ERICH6B: variants seen among roughly 807,000 people sequenced by gnomAD.
The protein encoded by ERICH6B is glutamate-rich protein 6B.
ERICH6B carries 69 observed loss-of-function variants against 80.0 expected under a neutral mutation model. The observed-to-expected ratio is 0.86, with a 90% CI of 0.71 to 1.05. ERICH6B has a LOEUF of 1.05. ERICH6B is among the 50% of genes least tolerant of loss of function. The pLI is 0.00. For missense variants in ERICH6B, 754 were observed against 796.1 expected, an observed-to-expected ratio of 0.95 and a Z score of 0.64; for synonymous variants, 283 against 291.9, an observed-to-expected ratio of 0.97 and a Z score of 0.31.
intron 2 of ERICH6B, among the ~76,000 whole-genome samples, chr13:45,606,505 G>GTGTA (rs1374963790): frequency 2.4e-4 from 7 of 28,658 alleles, no homozygotes; most frequent in Middle Eastern, 0.018. Context: ...AAGTGTATGT[G>GTGTA]TATATATATA....
At position 45,580,611 on chromosome 13, in the gene ERICH6B, G is replaced by A; in HGVS notation, c.911C>T (p.Ala304Val). The A allele has an allele frequency of 6.4e-7, 1 of 1,551,652 alleles. No individual in the cohort carries two copies. The highest frequency in any genetic ancestry group is 8.7e-7 in the Non-Finnish European group (1 of 1,146,966). ...ATCATCATAAACTTTACCTTCCGGAGCCAGCTTCGTGGTGGTTTCTTGCTC... is the reference window on the plus strand; with the variant it reads ...ATCATCATAAACTTTACCTTCCGGAACCAGCTTCGTGGTGGTTTCTTGCTC... ...ETEQETTTKL[A>V]PEEHVNTKVQ... Residue 304 changes from alanine to valine, a missense_variant, in exon 6 of 15, where the codon GCT (alanine) becomes GTT (valine). Coordinates refer to ENST00000298738, the MANE Select transcript of ERICH6B (RefSeq NM_182542.3).
At position 45,587,166 on chromosome 13, in the gene ERICH6B, A is replaced by G; in HGVS notation, c.753T>C (p.Pro251=). Residue 251 remains proline (P), a synonymous_variant, in exon 5 of 15, where the codon CCT becomes CCC. Coordinates refer to ENST00000298738, the MANE Select transcript of ERICH6B (RefSeq NM_182542.3). The stretch of plus-strand genomic sequence containing the variant: ...CTGTGGCAGATTCAGAGACAGGAGA[A>G]GGGGTAGCGAAAGTCAACGGGACAG... ...FLTVPLTFAT[P]SPVSESATES... 1.3e-6 allele frequency: 2 copies of G among 1,551,672 alleles called. No homozygotes were observed. The highest frequency in any genetic ancestry group is 1.7e-6 in the Non-Finnish European group (2 of 1,146,986).
chr13:45,546,724 G>T (rs113570957), intron 13 of ERICH6B, among the ~76,000 whole-genome samples: 4 of 152,196 alleles, frequency 2.6e-5, no homozygotes, highest in African/African-American at 9.6e-5. Flanking sequence ...GCCTTGTTTG[G>T]TTTCCAGCTC....
intron 8 of ERICH6B, among the ~76,000 whole-genome samples, chr13:45,571,646 C>T (rs1019998056): frequency 2.6e-5 from 4 of 152,204 alleles, no homozygotes; most frequent in Non-Finnish European, 5.9e-5. Flanking sequence ...TGTTGAAGTT[C>T]AATACCTTAG....
At chr13:45,580,555 A>G in intron 6 of ERICH6B, 48 bp downstream of exon 6, 1 of 1,536,858 alleles carries the variant, frequency 6.5e-7, no homozygotes, top group Non-Finnish European at 8.8e-7. Context: ...CTTCTCTGGG[A>G]TGGATGACTA....
At chr13:45,564,861 C>T (rs539296738) in intron 9 of ERICH6B, among the ~76,000 whole-genome samples, 58 of 152,298 alleles carry the variant, frequency 3.8e-4, no homozygotes, top group Non-Finnish European at 7.1e-4. Flanking sequence ...GCCAGAGGCA[C>T]CCAAGGCCCT....
Position 45,544,966 on chromosome 13 carries a change from G to C in ERICH6B, c.1666C>G (p.Leu556Val). The change falls in exon 14 of 15, where the codon CTG (leucine) becomes GTG (valine). Residue 556 changes from leucine to valine, a missense_variant. Leu to Val is a conservative substitution (Grantham distance 32, BLOSUM62 1). Transcript: ENST00000298738. ...SDIWLNLSSN[L>V]GYYFPKDKRQ... is the part of the protein sequence containing the mutation. ...TTGTCTTTGGGGAAGTAGTAGCCCA[G>C]GTTGGAGCTCAGGTTCAACCTGGAC... The C allele has an allele frequency of 6.4e-7, 1 of 1,550,934 alleles. No individual in the cohort carries two copies. The highest frequency in any genetic ancestry group is 8.7e-7 in the Non-Finnish European group (1 of 1,147,002).
chr13:45,552,338 G>A (rs73482421), intron 11 of ERICH6B, among the ~76,000 whole-genome samples: 3,605 of 152,086 alleles, frequency 0.024, 153 homozygotes, highest in African/African-American at 0.081. Context: ...GTCAAGACCC[G>A]TTGTTCCCCT....
intron 2 of ERICH6B, among the ~76,000 whole-genome samples, chr13:45,606,545 ATATT>A (rs1949866723): frequency 7.8e-5 from 1 of 12,774 alleles, no homozygotes; most frequent in African/African-American, 1.7e-4. Flanking sequence ...ATATATATAT[ATATT>A]TTTTTTTTTT....
intron 8 of ERICH6B, among the ~76,000 whole-genome samples, chr13:45,568,709 C>A (rs1365489836): frequency 6.6e-6 from 1 of 152,148 alleles, no homozygotes; most frequent in African/African-American, 2.4e-5. Flanking sequence ...CAAACTTGCA[C>A]ATCCTGTACC....
chr13:45,572,646 C>G (rs1293085392), intron 8 of ERICH6B, among the ~76,000 whole-genome samples: 2 of 151,888 alleles, frequency 1.3e-5, no homozygotes, highest in Non-Finnish European at 2.9e-5. Flanking sequence ...AAAAAATGAC[C>G]CTGTCATGGA....
At chr13:45,563,586 C>G (rs1049191908) in intron 10 of ERICH6B, 141 bp downstream of exon 10, 1 of 777,928 alleles carries the variant, frequency 1.3e-6, no homozygotes, top group African/African-American at 1.7e-5. Flanking sequence ...CCCTGGCAGC[C>G]AGGACCACAT....
chr13:45,588,682 T>G (rs1317797704), intron 4 of ERICH6B, among the ~76,000 whole-genome samples: 1 of 152,218 alleles, frequency 6.6e-6, no homozygotes, highest in African/African-American at 2.4e-5. Flanking sequence ...AATATTGGCC[T>G]CTCTGGTCAT....
rs1391823780 is a variant in ERICH6B, at chr13:45,563,775, A to G, written c.1201T>C (p.Tyr401His). Residue 401 changes from tyrosine (Y) to histidine (H), a missense_variant, in exon 10 of 15, where the codon TAT becomes CAT. Physicochemically the swap from Tyr to His is moderately conservative, Grantham distance 83. Coordinates refer to ENST00000298738, the MANE Select transcript of ERICH6B (RefSeq NM_182542.3). ...WKLVIMLKKNYEKFKETILRI... is the reference protein window; with the variant it reads ...WKLVIMLKKNHEKFKETILRI... The stretch of plus-strand genomic sequence containing the variant: ...AAGATTGTTTCCTTGAACTTTTCAT[A>G]ATTTTTCTTCAGCCTAAAAGGAAAG... 1.3e-6 allele frequency: 2 copies of G among 1,552,212 alleles called. No homozygotes were observed. The highest frequency in any genetic ancestry group is 1.7e-6 in the Non-Finnish European group (2 of 1,147,084).
At chr13:45,545,893 C>A (rs986321362) in intron 13 of ERICH6B, among the ~76,000 whole-genome samples, 5 of 152,184 alleles carry the variant, frequency 3.3e-5, no homozygotes, top group African/African-American at 1.2e-4. Flanking sequence ...CCTGGCTCCA[C>A]GTGAGTTACA....
intron 1 of ERICH6B, among the ~76,000 whole-genome samples, chr13:45,608,410 A>C (rs557805633): frequency 4.7e-4 from 72 of 152,306 alleles, no homozygotes; most frequent in African/African-American, 1.7e-3. Flanking sequence ...CCTGCTTTTT[A>C]ATAGACTGGA....
intron 8 of ERICH6B, 23 bp from the exon 9 acceptor site, chr13:45,568,474 A>T: frequency 2.0e-6 from 3 of 1,466,804 alleles, no homozygotes; most frequent in Non-Finnish European, 1.8e-6. Context: ...CAAAGAATGA[A>T]ATATTCAGAA....
chr13:45,550,214 T>C lies in ERICH6B; in HGVS notation c.1493+17A>G. 1 of 1,548,452 alleles carries C rather than the reference T, an allele frequency of 6.5e-7. No homozygotes were observed. The highest frequency in any genetic ancestry group is 1.2e-5 in the South Asian group (1 of 83,904). On this transcript the variant is annotated intron_variant, in intron 12 of 14. Transcript: ENST00000298738. ...CAATATATGTCAATACGAGCATCCC[T>C]GTGCTTCTGTGGATACTGTATCTGG...
At chr13:45,606,069 G>T (rs1219339642) in intron 2 of ERICH6B, among the ~76,000 whole-genome samples, 2 of 152,038 alleles carry the variant, frequency 1.3e-5, no homozygotes, top group African/African-American at 4.8e-5. Context: ...TATAACTCAA[G>T]TTCTTAGGGA....
Sources: gnomAD v4.1 joint callset for allele counts (sites outside exome capture counted in the v4.1 genomes callset) on GRCh38, gnomAD v4.1.1 for gene constraint, MANE v1.5 for transcripts, NCBI Gene and HGNC (gene_info 2026-07-23, HGNC 2026-07-21) for gene names.